FRMD6: variants seen among roughly 807,000 people sequenced by gnomAD.
The protein encoded by FRMD6 is FERM domain containing 6.
Under a neutral mutation model 73.2 loss-of-function variants are expected in FRMD6, and 37 were observed. The ratio of observed to expected loss-of-function variants is 0.51; its 90% CI spans 0.39 to 0.66. The LOEUF (loss-of-function observed/expected upper bound fraction) is 0.66, where lower values mean the gene tolerates loss of function less well. Ranked by LOEUF, FRMD6 falls within the 30% of genes least tolerant of loss-of-function variation. FRMD6 has a pLI of 0.00. For synonymous variants in FRMD6, 273 were observed against 282.2 expected (o/e 0.97, Z 0.33); for missense variants, 714 against 780.5 (o/e 0.91, Z 1.02).
At chr14:51,436,222 G>A in the FRMD6 span, 306,757 of 344,428 alleles carry the variant, frequency 0.89, 138,106 homozygotes, top group African/African-American at 0.9. Context: ...GAACAAGCCA[G>A]TGAGGAGATT....
intron 10 of FRMD6, among the ~76,000 whole-genome samples, chr14:51,715,914 A>G (rs1897213083): frequency 6.6e-6 from 1 of 152,202 alleles, no homozygotes; most frequent in African/African-American, 2.4e-5. Flanking sequence ...ATTCTTTCCA[A>G]TGTGATTATT....
Position 51,720,309 on chromosome 14 carries a change from A to G in FRMD6, c.1279A>G (p.Met427Val). Reference protein sequence around the residue: ...IHRKLKTCSSMTSHGSSHTSG... With the variant: ...IHRKLKTCSSVTSHGSSHTSG... Reference sequence around the variant, plus strand: ...CCGCAAGCTGAAAACCTGCAGCTCAATGACCAGTCATGGCAGCTCCCACAC... The same window carrying G: ...CCGCAAGCTGAAAACCTGCAGCTCAGTGACCAGTCATGGCAGCTCCCACAC... The change falls in exon 11 of 14, where the codon ATG becomes GTG. Residue 427 changes from methionine to valine, a missense_variant. By Grantham distance (21) the Met-to-Val change is conservative. Transcript: ENST00000344768. The G allele has an allele frequency of 6.2e-7, 1 of 1,614,056 alleles. No individual in the cohort carries two copies. Among genetic ancestry groups the G allele is most frequent in the Non-Finnish European group, 8.5e-7 (1 of 1,180,026 alleles).
intron 1 of FRMD6, among the ~76,000 whole-genome samples, chr14:51,525,505 G>A (rs1885202411): frequency 6.6e-6 from 1 of 151,830 alleles, no homozygotes; most frequent in Non-Finnish European, 1.5e-5. Flanking sequence ...CTGACCTTGT[G>A]ATCCGCTGAC....
chr14:51,508,724 C>G (rs577094294), intron 1 of FRMD6, among the ~76,000 whole-genome samples: 1 of 152,178 alleles, frequency 6.6e-6, no homozygotes, highest in Non-Finnish European at 1.5e-5. Context: ...AACAAATAGT[C>G]ATATGAATTG....
At chr14:51,703,841 T>A (rs1221785682) in intron 5 of FRMD6, among the ~76,000 whole-genome samples, 1 of 152,098 alleles carries the variant, frequency 6.6e-6, no homozygotes, top group Non-Finnish European at 1.5e-5. Flanking sequence ...GCTATGAATC[T>A]CAGGTAAACA....
the FRMD6 span, among the ~76,000 whole-genome samples, chr14:51,455,019 A>G: frequency 6.6e-6 from 1 of 152,214 alleles, no homozygotes. Flanking sequence ...AGAATTTCCC[A>G]AACTGTGTTC....
the FRMD6 span, among the ~76,000 whole-genome samples, chr14:51,452,566 G>C: frequency 6.6e-6 from 1 of 152,218 alleles, no homozygotes; most frequent in Non-Finnish European, 1.5e-5. Flanking sequence ...TGAGTCTATA[G>C]CTCAAGAACA....
chr14:51,648,400 C>T (rs554944140), upstream of FRMD6, among the ~76,000 whole-genome samples: 1 of 152,302 alleles, frequency 6.6e-6, no homozygotes, highest in East Asian at 1.9e-4. Flanking sequence ...CTGCCATATG[C>T]CTACACTTAA....
intron 6 of FRMD6, 142 bp downstream of exon 6, chr14:51,705,077 A>C: frequency 2.9e-6 from 2 of 687,694 alleles, no homozygotes; most frequent in Non-Finnish European, 4.8e-6. Flanking sequence ...TTTAATGCTT[A>C]AGAACGTGGT....
intron 1 of FRMD6, among the ~76,000 whole-genome samples, chr14:51,523,153 G>A (rs1566791744): frequency 1.3e-5 from 2 of 152,160 alleles, no homozygotes; most frequent in African/African-American, 2.4e-5. Flanking sequence ...AACATAAAAT[G>A]ATGTATTTAT....
intron 1 of FRMD6, among the ~76,000 whole-genome samples, chr14:51,682,811 G>GGAGGAATT (rs1378776823): frequency 1.3e-5 from 2 of 152,130 alleles, no homozygotes; most frequent in Non-Finnish European, 2.9e-5. Context: ...TTCTGGTTTT[G>GGAGGAATT]CTTGGGTTAC....
intron 2 of FRMD6, among the ~76,000 whole-genome samples, chr14:51,588,372 C>A (rs898019997): frequency 6.6e-6 from 1 of 151,546 alleles, no homozygotes; most frequent in Non-Finnish European, 1.5e-5. Flanking sequence ...TGTGCTGCAC[C>A]CATTAACTTG....
chr14:51,626,248 G>A (rs1030960972), intron 2 of FRMD6, among the ~76,000 whole-genome samples: 2 of 152,236 alleles, frequency 1.3e-5, no homozygotes, highest in Middle Eastern at 3.4e-3. Context: ...TGAATTTTGA[G>A]ATCCAGAAGA....
At chr14:51,633,621 A>AAG (rs143710280) in intron 2 of FRMD6, among the ~76,000 whole-genome samples, 3,764 of 99,002 alleles carry the variant, frequency 0.038, 448 homozygotes, top group African/African-American at 0.083. Context: ...AAAAAAAAAA[A>AAG]GAAATAATTA....
At chr14:51,645,285 CA>C (rs1566524170) in intron 2 of FRMD6, among the ~76,000 whole-genome samples, 1 of 152,140 alleles carries the variant, frequency 6.6e-6, no homozygotes, top group African/African-American at 2.4e-5. Context: ...TCCTTTCATC[CA>C]ACCAGTTAGT....
intron 1 of FRMD6, among the ~76,000 whole-genome samples, chr14:51,554,045 A>G (rs533076708): frequency 1.3e-5 from 2 of 152,204 alleles, no homozygotes; most frequent in East Asian, 3.9e-4. Context: ...AATATACAAG[A>G]TGAACCTAGG....
intron 2 of FRMD6, chr14:51,575,906 G>A (rs943292989): frequency 1.3e-5 from 2 of 152,216 alleles, no homozygotes; most frequent in African/African-American, 2.4e-5. Flanking sequence ...TTCTAGTATA[G>A]TCCCACATTC....
the FRMD6 span, among the ~76,000 whole-genome samples, chr14:51,450,545 C>T: frequency 1.3e-5 from 2 of 152,156 alleles, no homozygotes; most frequent in Non-Finnish European, 2.9e-5. Flanking sequence ...TGCAGGCTCC[C>T]AGTGAGATGT....
rs2140422827 is a variant in FRMD6 at position 51,698,132 on chromosome 14, T to C, written c.100-10T>C. On this transcript the variant is annotated splice_polypyrimidine_tract_variant and intron_variant, in intron 2 of 13. Transcript: ENST00000344768. ...ATTGTTATTTTACGTCGTGCCTTTT[T>C]CCCCTACAGGTTAAGATTCTGTGTC... 5.0e-6 allele frequency: 8 copies of C among 1,606,734 alleles called. No homozygotes were observed. The South Asian group carries it at 7.7e-5, about 16-fold the overall frequency.
Sources: gnomAD v4.1 joint callset for allele counts (sites outside exome capture counted in the v4.1 genomes callset) on GRCh38, gnomAD v4.1.1 for gene constraint, MANE v1.5 for transcripts, NCBI Gene and HGNC (gene_info 2026-07-23, HGNC 2026-07-21) for gene names.